AGO3: variants seen among roughly 807,000 people sequenced by gnomAD.
The protein encoded by AGO3 is protein argonaute-3.
AGO3 carries 16 observed loss-of-function variants against 105.5 expected under a neutral mutation model. The ratio of observed to expected loss-of-function variants is 0.15; its 90% confidence interval spans 0.10 to 0.23. The LOEUF is 0.23. AGO3 is among the 10% of genes least tolerant of loss of function. The pLI is 1.00. For synonymous variants in AGO3, 340 were observed against 367.3 expected (o/e 0.93, Z 0.85); for missense variants, 534 against 1,088.0 (o/e 0.49, Z 7.16).
rs1248590724 is a variant in AGO3 at position 36,064,379 on chromosome 1, T to C, written c.*8634T>C. 6.6e-6 allele frequency: 1 copy of C among 152,164 alleles called. No individual in the cohort carries two copies. The highest frequency in any genetic ancestry group is 2.4e-5 in the African/African-American group (1 of 41,396). 9.4% of individuals were successfully genotyped at this position (152,164 alleles called of 1,614,324 possible). On this transcript the variant is annotated 3_prime_UTR_variant, in exon 19 of 19. Coordinates refer to ENST00000373191, the MANE Select transcript of AGO3 (RefSeq NM_024852.4). ...TGGGCAACAAGAGTGAAACTCCATC[T>C]CAGAAAATAAAAATAAAAATAAATA... is the stretch of plus-strand genomic sequence containing the variant.
intron 1 of AGO3, among the ~76,000 whole-genome samples, chr1:35,944,544 CTTTTTTT>C (rs761797350): frequency 0.071 from 7,533 of 105,420 alleles, 214 homozygotes; most frequent in South Asian, 0.1. Flanking sequence ...ATTTTATTTA[CTTTTTTT>C]TTTTTTTTTT....
chr1:35,999,728 C>G (rs1639997557), intron 5 of AGO3, among the ~76,000 whole-genome samples: 1 of 152,044 alleles, frequency 6.6e-6, no homozygotes, highest in South Asian at 2.1e-4. Flanking sequence ...AGTAACATTG[C>G]TGAATTATTA....
chr1:36,008,928 G>C lies in AGO3; in HGVS notation c.913G>C (p.Val305Leu). The stretch of plus-strand genomic sequence containing the variant: ...TTTACAGTTAGAAAACGGCCAAACT[G>C]TGGAGAGAACAGTAGCGCAGTATTT... Reference protein sequence around the residue: ...FPLQLENGQTVERTVAQYFRE... With the variant: ...FPLQLENGQTLERTVAQYFRE... The change falls in exon 8 of 19, where the codon GTG becomes CTG. Residue 305 changes from valine (V) to leucine (L), a missense_variant. Physicochemically the swap from Val to Leu is conservative, Grantham distance 32 (BLOSUM62 1). This residue lies in a region of AGO3 where 373 missense variants were observed against 854.0 expected (regional missense o/e 0.44). Transcript: ENST00000373191. This position sits in a 1 kb window ranked among gnomAD's most constrained non-coding sequence, Gnocchi z 5.1. 6.2e-7 allele frequency: 1 copy of C among 1,613,816 alleles called. No homozygotes were observed. Among genetic ancestry groups the C allele is most frequent in the South Asian group, 1.1e-5 (1 of 91,076 alleles).
intron 5 of AGO3, among the ~76,000 whole-genome samples, chr1:35,991,388 GC>G (rs1480539651): frequency 6.6e-6 from 1 of 152,004 alleles, no homozygotes; most frequent in African/African-American, 2.4e-5. Flanking sequence ...GTTGAGTTAT[GC>G]CCTTTGTGTT....
chr1:36,037,986 A>G (rs1642085268), intron 14 of AGO3, among the ~76,000 whole-genome samples: 1 of 152,220 alleles, frequency 6.6e-6, no homozygotes, highest in South Asian at 2.1e-4. Context: ...TCTTGTAAAT[A>G]GAATTTATTG....
At chr1:35,990,561 G>A (rs947546317) in intron 5 of AGO3, among the ~76,000 whole-genome samples, 3 of 152,084 alleles carry the variant, frequency 2.0e-5, no homozygotes, top group Admixed American at 1.3e-4. Flanking sequence ...GTAGCTGTCC[G>A]TAAAACATTC....
chr1:35,944,006 C>T (rs1490458049), intron 1 of AGO3, among the ~76,000 whole-genome samples: 2 of 152,140 alleles, frequency 1.3e-5, no homozygotes, highest in East Asian at 1.9e-4. Flanking sequence ...GTATATACCA[C>T]ATTTTGTTTA....
rs200239488 is a variant in AGO3 at position 36,039,749 on chromosome 1, T to TTTTA, written c.1843-21_1843-18dup. The TTTTA allele has an allele frequency of 1.1e-3, 1,320 of 1,173,894 alleles. 7 individuals carry two copies. The highest frequency in any genetic ancestry group is 0.01 in the African/African-American group (628 of 62,538). 72.7% of individuals were successfully genotyped at this position (1,173,894 alleles called of 1,614,324 possible). A position where few individuals can be genotyped will look rare whatever the true frequency, so the allele number is the denominator to read the frequency against. Reference sequence around the variant, plus strand: ...TCATGTAATTTTGATTATCATTTATTTTTATTTATTTATTTATTTATTTTA... The same window carrying TTTTA: ...TCATGTAATTTTGATTATCATTTATTTTTATTTATTTATTTATTTATTTATTTTA... On this transcript the variant is annotated intron_variant, in intron 14 of 18. Coordinates refer to ENST00000373191, the MANE Select transcript of AGO3 (RefSeq NM_024852.4).
intron 5 of AGO3, among the ~76,000 whole-genome samples, chr1:36,000,864 T>C (rs1032530203): frequency 1.3e-5 from 2 of 152,030 alleles, no homozygotes; most frequent in African/African-American, 4.8e-5. Context: ...TTTAATTAGT[T>C]AGAAACTGGA....
At chr1:35,961,831 C>G (rs1185250407) in intron 2 of AGO3, among the ~76,000 whole-genome samples, 2 of 152,160 alleles carry the variant, frequency 1.3e-5, no homozygotes, top group African/African-American at 2.4e-5. Context: ...TTTGAGGAAG[C>G]TACATCATAC....
chr1:35,954,981 G>C (rs1201026104), intron 2 of AGO3, among the ~76,000 whole-genome samples: 1 of 152,230 alleles, frequency 6.6e-6, no homozygotes, highest in African/African-American at 2.4e-5. Context: ...CAGGGAGAAA[G>C]AATAATCCAC....
chr1:35,978,759 A>G (rs952847172), intron 5 of AGO3, among the ~76,000 whole-genome samples: 1 of 152,182 alleles, frequency 6.6e-6, no homozygotes, highest in Non-Finnish European at 1.5e-5. Context: ...ATTATTCTTA[A>G]AAGTTATTTT....
intron 11 of AGO3, among the ~76,000 whole-genome samples, chr1:36,018,778 G>A (rs1415190958): frequency 6.6e-6 from 1 of 152,180 alleles, no homozygotes; most frequent in Non-Finnish European, 1.5e-5. Flanking sequence ...TACCTTGTGA[G>A]TGTACACAAG....
chr1:36,040,898 C>T (rs1423773897), intron 16 of AGO3, among the ~76,000 whole-genome samples: 2 of 151,706 alleles, frequency 1.3e-5, no homozygotes. Context: ...CACGGTGAAA[C>T]CCTGTCTCTA....
At chr1:35,935,909 AG>A (rs1202645436) in intron 1 of AGO3, among the ~76,000 whole-genome samples, 1 of 152,216 alleles carries the variant, frequency 6.6e-6, no homozygotes, top group Non-Finnish European at 1.5e-5. Flanking sequence ...GCTAATGGGT[AG>A]GGGAAAAAAG....
intron 2 of AGO3, among the ~76,000 whole-genome samples, chr1:35,954,331 G>C (rs1646526455): frequency 6.6e-6 from 1 of 152,054 alleles, no homozygotes; most frequent in South Asian, 2.1e-4. Flanking sequence ...GAAACTTGAA[G>C]ATACTTTCAT....
At chr1:35,969,496 G>C (rs2148772217) in intron 3 of AGO3, among the ~76,000 whole-genome samples, 1 of 152,184 alleles carries the variant, frequency 6.6e-6, no homozygotes, top group East Asian at 1.9e-4. Context: ...TTCTCCGTAT[G>C]TTCATTAATC....
At chr1:35,989,140 C>G (rs1410548241) in intron 5 of AGO3, among the ~76,000 whole-genome samples, 1 of 152,150 alleles carries the variant, frequency 6.6e-6, no homozygotes, top group Non-Finnish European at 1.5e-5. Context: ...CCATTGTAGT[C>G]TCACTGGTTG....
intron 1 of AGO3, 64 bp from the exon 2 acceptor site, chr1:35,945,628 G>T: frequency 6.5e-7 from 1 of 1,526,840 alleles, no homozygotes; most frequent in Non-Finnish European, 8.9e-7. Context: ...ATATACTCTG[G>T]TTGACAAGGC....
Sources: allele counts gnomAD v4.1 joint callset (sites outside exome capture counted in the v4.1 genomes callset), GRCh38; gene constraint gnomAD v4.1.1; regional missense constraint gnomAD v4.1.1; non-coding constraint Gnocchi (gnomAD v3.1); transcripts MANE v1.5; gene names NCBI Gene and HGNC (gene_info 2026-07-23, HGNC 2026-07-21).